The following MYL4 variants were observed in gnomAD, a reference collection of about 807,000 sequenced individuals.
The protein encoded by MYL4 is myosin light chain 4, also known as atrial myosin light chain 1.
In MYL4, 16 loss-of-function variants were observed where a neutral mutation model predicts 21.6. That is an observed-to-expected ratio of 0.74 (90% CI 0.50 to 1.12). The LOEUF is 1.12. Among genes scored for constraint, MYL4 ranks in the 50% most tolerant of loss-of-function variants. The pLI, the probability that MYL4 is intolerant of heterozygous loss-of-function variation, is 0.00. For synonymous variants in MYL4, 82 were observed against 95.7 expected (o/e 0.86, Z 0.83); for missense variants, 249 against 252.9 (o/e 0.98, Z 0.11).
the MYL4 span, among the ~76,000 whole-genome samples, chr17:47,190,588 A>G: frequency 6.6e-6 from 1 of 152,192 alleles, no homozygotes; most frequent in Non-Finnish European, 1.5e-5. Context: ...CAAGGCTGAC[A>G]GAGCTACACT....
At chr17:47,208,146 G>A (rs931595399), upstream of MYL4, among the ~76,000 whole-genome samples, 1 of 152,132 alleles carries the variant, frequency 6.6e-6, no homozygotes, top group Non-Finnish European at 1.5e-5. Flanking sequence ...CTGGCGTGGC[G>A]GCTTATGCCT....
chr17:47,189,528 T>C, the MYL4 span: 20 of 370,726 alleles, frequency 5.4e-5, no homozygotes, highest in East Asian at 1.1e-3. Flanking sequence ...CAATCGGCCG[T>C]CCCAGGGTTG....
At chr17:47,216,703 T>C (rs900336311) in intron 2 of MYL4, among the ~76,000 whole-genome samples, 2 of 150,622 alleles carry the variant, frequency 1.3e-5, no homozygotes, top group Non-Finnish European at 3.0e-5. Flanking sequence ...TTCTTTCTTT[T>C]TTTTTTTTGA....
At chr17:47,210,568 T>C (rs1289733319) in intron 1 of MYL4, among the ~76,000 whole-genome samples, 1 of 151,614 alleles carries the variant, frequency 6.6e-6, no homozygotes, top group Non-Finnish European at 1.5e-5. Context: ...AGGGATCAGG[T>C]CAAAATAAGA....
At chr17:47,217,329 G>A (rs539666246) in intron 2 of MYL4, among the ~76,000 whole-genome samples, 14 of 151,936 alleles carry the variant, frequency 9.2e-5, no homozygotes, top group African/African-American at 3.1e-4. Flanking sequence ...GTGGTGGCAC[G>A]CACCTGTAAT....
At chr17:47,220,641 G>A (rs1044097797) in intron 3 of MYL4, among the ~76,000 whole-genome samples, 6 of 152,270 alleles carry the variant, frequency 3.9e-5, no homozygotes, top group Admixed American at 6.5e-5. Context: ...TGGTGCAAAC[G>A]ATTCTTTTGT....
intron 2 of MYL4, chr17:47,214,034 C>A (rs2064796372): frequency 1.8e-6 from 1 of 555,510 alleles, no homozygotes; most frequent in African/African-American, 1.9e-5. Context: ...ATAACAACAC[C>A]ATGAGGTAGA....
chr17:47,220,479 T>A (rs2064847755), intron 3 of MYL4, among the ~76,000 whole-genome samples: 1 of 152,258 alleles, frequency 6.6e-6, no homozygotes, highest in Non-Finnish European at 1.5e-5. Context: ...TTGTTTCTAA[T>A]AATGGTTAGA....
At chr17:47,216,354 T>C (rs1383841509) in intron 2 of MYL4, among the ~76,000 whole-genome samples, 1 of 151,910 alleles carries the variant, frequency 6.6e-6, no homozygotes, top group East Asian at 1.9e-4. Flanking sequence ...CAGTGTTTGA[T>C]TTTTTTATGT....
chr17:47,225,855 C>CTTTTTTTTT (rs60342000), downstream of MYL4, among the ~76,000 whole-genome samples: 4 of 113,286 alleles, frequency 3.5e-5, no homozygotes, highest in Non-Finnish European at 5.3e-5. Context: ...TCCTTCCCTT[C>CTTTTTTTTT]TTTTTTTTTT....
intron 5 of MYL4, 149 bp from the exon 6 acceptor site, chr17:47,222,865 C>T: frequency 1.0e-6 from 1 of 970,610 alleles, no homozygotes. Flanking sequence ...ACCTTCTCCC[C>T]ACCAACCCCC....
chr17:47,214,332 C>T (rs1313443019), intron 2 of MYL4, among the ~76,000 whole-genome samples: 1 of 152,196 alleles, frequency 6.6e-6, no homozygotes, highest in African/African-American at 2.4e-5. Context: ...AGCTTCCCCT[C>T]TTCCCACCAT....
At position 47,223,062 on chromosome 17, in the gene MYL4, G is replaced by A. The variant is rs2064868691; in HGVS notation, c.*15+5G>A. The A allele has an allele frequency of 1.9e-6, 3 of 1,614,138 alleles. No homozygotes were observed. Among genetic ancestry groups the A allele is most frequent in the Non-Finnish European group, 2.5e-6 (3 of 1,179,986 alleles). ...GGGTGAAGCAGAGTCTTCCAGGTGA[G>A]TGCAGCCTCTCCCTCCTGGTCCCTT... On this transcript the variant is annotated splice_donor_5th_base_variant and intron_variant, in intron 6 of 6. Coordinates refer to ENST00000393450, the MANE Select transcript of MYL4 (RefSeq NM_002476.2).
upstream of MYL4, among the ~76,000 whole-genome samples, chr17:47,204,606 C>A (rs2064720480): frequency 6.6e-6 from 1 of 152,076 alleles, no homozygotes; most frequent in Non-Finnish European, 1.5e-5. Flanking sequence ...GTAGGGTGCA[C>A]CTGTAGTCCC....
intron 1 of MYL4, among the ~76,000 whole-genome samples, chr17:47,202,630 C>G (rs529848828): frequency 2.6e-5 from 4 of 152,088 alleles, no homozygotes; most frequent in Middle Eastern, 3.4e-3. Context: ...AGTAAATTCA[C>G]TAACTCTTCT....
the MYL4 span, among the ~76,000 whole-genome samples, chr17:47,190,241 T>G: frequency 1.3e-5 from 2 of 152,170 alleles, no homozygotes; most frequent in Admixed American, 6.5e-5. Context: ...CACTAACTAG[T>G]CATAGGTCCT....
At chr17:47,189,456 G>A in the MYL4 span, 2 of 530,004 alleles carry the variant, frequency 3.8e-6, no homozygotes, top group African/African-American at 3.8e-5. Flanking sequence ...GGAAGCTACC[G>A]AGTCTGACCC....
chr17:47,208,550 TACACACACACACAC>T (rs55886095), upstream of MYL4, among the ~76,000 whole-genome samples: 7 of 145,870 alleles, frequency 4.8e-5, no homozygotes, highest in African/African-American at 7.6e-5. Context: ...TAGTAAGCAC[TACACACACACACAC>T]ACACACACAC....
At chr17:47,202,048 C>T (rs1052620720) in intron 1 of MYL4, among the ~76,000 whole-genome samples, 2 of 152,154 alleles carry the variant, frequency 1.3e-5, no homozygotes, top group Non-Finnish European at 2.9e-5. Flanking sequence ...TGCAGTGGCT[C>T]GATCTCGGCT....
Sources: allele counts gnomAD v4.1 joint callset (sites outside exome capture counted in the v4.1 genomes callset), GRCh38; gene constraint gnomAD v4.1.1; transcripts MANE v1.5; gene names NCBI Gene and HGNC (gene_info 2026-07-23, HGNC 2026-07-21).